Variants in CAMTA1 observed in about 807,000 individuals in gnomAD.
The protein encoded by CAMTA1 is calmodulin-binding transcription activator 1.
In CAMTA1, 27 loss-of-function variants were observed where a neutral mutation model predicts 170.9. That is an observed-to-expected ratio of 0.16 (90% confidence interval 0.12 to 0.22). CAMTA1 has a LOEUF of 0.22. Ranked by LOEUF, CAMTA1 falls within the 10% of genes least tolerant of loss-of-function variation. The probability of loss-of-function intolerance (pLI) is 1.00; values close to 1 mark genes in which losing one functional copy is unlikely to be tolerated. For synonymous variants in CAMTA1, 833 were observed against 891.5 expected (o/e 0.93, Z 1.17); for missense variants, 1,619 against 2,217.2 (o/e 0.73, Z 5.42).
chr1:7,266,283 A>G (rs1480039398), intron 5 of CAMTA1, among the ~76,000 whole-genome samples: 2 of 152,154 alleles, frequency 1.3e-5, no homozygotes, highest in African/African-American at 4.8e-5. Flanking sequence ...GACTTTGGAC[A>G]CCGGTGTGTT....
chr1:7,232,670 C>A (rs146477653), intron 4 of CAMTA1, among the ~76,000 whole-genome samples: 1 of 152,058 alleles, frequency 6.6e-6, no homozygotes, highest in Non-Finnish European at 1.5e-5. Context: ...GTGCACAGAC[C>A]GGTGTTTGCA....
chr1:7,284,069 G>A (rs1170980476), intron 5 of CAMTA1, among the ~76,000 whole-genome samples: 1 of 152,020 alleles, frequency 6.6e-6, no homozygotes, highest in Non-Finnish European at 1.5e-5. Flanking sequence ...GTCAATCACA[G>A]CCACTGTCCT....
At chr1:7,400,937 T>A (rs759708466) in intron 5 of CAMTA1, among the ~76,000 whole-genome samples, 7 of 152,354 alleles carry the variant, frequency 4.6e-5, no homozygotes, top group Admixed American at 1.3e-4. Context: ...TTTGCAAATA[T>A]TGTCTTTGAG....
intron 11 of CAMTA1, among the ~76,000 whole-genome samples, chr1:7,678,093 C>T (rs569963229): frequency 4.6e-5 from 7 of 152,318 alleles, no homozygotes; most frequent in South Asian, 2.1e-4. Context: ...TCCAAGCACC[C>T]GCTGTGCCCC....
rs138413696 is a variant in CAMTA1, at chr1:6,972,514, A to C, written c.235-118790A>C. On this transcript the variant is annotated intron_variant, in intron 3 of 22. Transcript: ENST00000303635. The stretch of plus-strand genomic sequence containing the variant: ...ATTCATCCCTTGCCTGCCGTGTGCC[A>C]GGCTGCTCTTTCCCAGCATCAGGGT... Among the ~76,000 whole-genome samples the C allele has an allele frequency of 4.1e-4, 62 of 152,248 alleles. 1 individual carries two copies. The highest frequency in any genetic ancestry group is 1.5e-3 in the African/African-American group (61 of 41,538).
chr1:6,794,187 A>T (rs1371499469), intron 1 of CAMTA1, among the ~76,000 whole-genome samples: 1 of 152,224 alleles, frequency 6.6e-6, no homozygotes, highest in Non-Finnish European at 1.5e-5. Flanking sequence ...AAATAAGTTG[A>T]TTGGATTGGT....
chr1:7,346,745 C>T (rs845243), intron 5 of CAMTA1, among the ~76,000 whole-genome samples: 104,400 of 152,112 alleles, frequency 0.69, 36,000 homozygotes, highest in East Asian at 0.82. Context: ...TCAGTGCTCT[C>T]GGCCCTGAAG....
intron 22 of CAMTA1, among the ~76,000 whole-genome samples, chr1:7,765,756 G>A (rs777664621): frequency 2.0e-5 from 3 of 152,122 alleles, no homozygotes; most frequent in Admixed American, 2.0e-4. Context: ...GGCCGGGCGC[G>A]GTGGCTCACG....
chr1:7,393,842 C>G (rs2088996302), intron 5 of CAMTA1, among the ~76,000 whole-genome samples: 1 of 152,144 alleles, frequency 6.6e-6, no homozygotes, highest in African/African-American at 2.4e-5. Flanking sequence ...CATTAACCAA[C>G]CCCTCTTCAT....
chr1:7,147,714 A>G (rs1646298100), intron 4 of CAMTA1, among the ~76,000 whole-genome samples: 1 of 149,746 alleles, frequency 6.7e-6, no homozygotes, highest in Non-Finnish European at 1.5e-5. Context: ...ACTCAAACAT[A>G]TACCATGCAC....
intron 5 of CAMTA1, among the ~76,000 whole-genome samples, chr1:7,276,079 T>C (rs1670545075): frequency 6.6e-6 from 1 of 151,370 alleles, no homozygotes; most frequent in African/African-American, 2.4e-5. Context: ...GCAAAGTTGG[T>C]TTAACATGTG....
intron 5 of CAMTA1, among the ~76,000 whole-genome samples, chr1:7,397,369 A>G (rs1474079232): frequency 1.3e-5 from 2 of 151,534 alleles, no homozygotes; most frequent in African/African-American, 4.9e-5. Context: ...TTTAAATTTG[A>G]GTTTTCTCTC....
chr1:7,134,082 A>G lies in CAMTA1; in HGVS notation c.302+42711A>G, dbSNP rs149687621. Among the ~76,000 whole-genome samples the G allele has an allele frequency of 2.0e-3, 302 of 152,178 alleles. 3 individuals are homozygous for G. Among genetic ancestry groups the G allele is most frequent in the African/African-American group, 7.1e-3 (296 of 41,528 alleles). On this transcript the variant is annotated intron_variant, in intron 4 of 22. Coordinates refer to ENST00000303635, the MANE Select transcript of CAMTA1 (RefSeq NM_015215.4). ...TCCCCCCAGGTAGTCTGCAGCGTCA[A>G]CTGTTCCCATTTCTATGTCCATGAG...
intron 7 of CAMTA1, among the ~76,000 whole-genome samples, chr1:7,647,107 G>C (rs979618813): frequency 2.0e-5 from 3 of 152,200 alleles, no homozygotes; most frequent in African/African-American, 7.2e-5. Context: ...CTGCTCTCCA[G>C]GGACCCAGCT....
At chr1:7,183,298 TC>T (rs550441005) in intron 4 of CAMTA1, among the ~76,000 whole-genome samples, 12 of 151,296 alleles carry the variant, frequency 7.9e-5, no homozygotes, top group African/African-American at 2.7e-4. Flanking sequence ...TTTTGAGGGA[TC>T]CCCCCCAATG....
rs956416735 is a variant in CAMTA1, at chr1:7,286,669, A to G, written c.438+37043A>G. Among the ~76,000 whole-genome samples, 3 of 152,196 alleles carry G rather than the reference A, an allele frequency of 2.0e-5. No homozygotes were observed. The highest frequency in any genetic ancestry group is 7.2e-5 in the African/African-American group (3 of 41,444). On this transcript the variant is annotated intron_variant, in intron 5 of 22. Transcript: ENST00000303635. The surrounding 1 kb of genome is among the most constrained non-coding windows in gnomAD (Gnocchi z 4.2). ...GAGTACAGGTGTCGTATCTCAGAGC[A>G]TGTTAGGCTAAGATTGTAAAGGGTC... is the stretch of plus-strand genomic sequence containing the variant.
intron 3 of CAMTA1, among the ~76,000 whole-genome samples, chr1:6,872,906 T>A (rs765563820): frequency 2.0e-5 from 3 of 152,222 alleles, no homozygotes; most frequent in Non-Finnish European, 4.4e-5. Context: ...GCTAAATGAG[T>A]ACTGAAATGG....
At chr1:7,655,821 G>T (rs2095898443) in intron 7 of CAMTA1, among the ~76,000 whole-genome samples, 1 of 152,194 alleles carries the variant, frequency 6.6e-6, no homozygotes, top group Non-Finnish European at 1.5e-5. Context: ...GAGCAGGGTT[G>T]GTGTGGACCT....
chr1:7,558,015 T>C (rs1320222281), intron 6 of CAMTA1, among the ~76,000 whole-genome samples: 1 of 152,150 alleles, frequency 6.6e-6, no homozygotes, highest in East Asian at 1.9e-4. Context: ...TCTGTGCCTC[T>C]CGCCTCTGCC....
Sources: allele counts gnomAD v4.1 joint callset (sites outside exome capture counted in the v4.1 genomes callset), GRCh38; gene constraint gnomAD v4.1.1; non-coding constraint Gnocchi (gnomAD v3.1); transcripts MANE v1.5; gene names NCBI Gene and HGNC (gene_info 2026-07-23, HGNC 2026-07-21).